Variants in C12orf42 observed in about 807,000 individuals in gnomAD.
C12orf42 encodes the protein chromosome 12 open reading frame 42.
In C12orf42, 25 loss-of-function variants were observed where a neutral mutation model predicts 21.6. That is an observed-to-expected ratio of 1.16 (90% CI 0.84 to 1.62). C12orf42 has a LOEUF of 1.62. Ranked by LOEUF, C12orf42 falls within the 40% of genes most tolerant of loss-of-function variation. C12orf42 has a pLI of 0.00. For synonymous variants in C12orf42, 174 were observed against 175.0 expected, an observed-to-expected ratio of 0.99 and a Z score of 0.05; for missense variants, 483 against 459.3, an observed-to-expected ratio of 1.05 and a Z score of -0.47.
the C12orf42 span, among the ~76,000 whole-genome samples, chr12:103,123,236 GGAAAAAT>G: frequency 6.6e-6 from 1 of 152,284 alleles, no homozygotes; most frequent in East Asian, 1.9e-4. Context: ...GGTTACCTAA[GGAAAAAT>G]TCAGCCAGTT....
At chr12:103,554,778 G>A in the C12orf42 span, among the ~76,000 whole-genome samples, 3 of 152,072 alleles carry the variant, frequency 2.0e-5, no homozygotes, top group African/African-American at 7.2e-5. Flanking sequence ...GAACTCTATC[G>A]CAAGACAGCA....
At chr12:103,080,519 T>TA in the C12orf42 span, among the ~76,000 whole-genome samples, 2 of 151,944 alleles carry the variant, frequency 1.3e-5, no homozygotes, top group Admixed American at 6.6e-5. Flanking sequence ...TGCAGACACC[T>TA]AAAAAAAAGC....
the C12orf42 span, among the ~76,000 whole-genome samples, chr12:103,080,037 T>A: frequency 6.6e-6 from 1 of 152,180 alleles, no homozygotes; most frequent in Non-Finnish European, 1.5e-5. Flanking sequence ...ACAGACATTA[T>A]ATATACACCA....
the C12orf42 span, among the ~76,000 whole-genome samples, chr12:103,214,501 G>A: frequency 0.019 from 2,907 of 152,216 alleles, 35 homozygotes; most frequent in East Asian, 0.028. Context: ...ATCCCCGCAC[G>A]GAGATCTGGT....
At chr12:103,149,014 T>C in the C12orf42 span, among the ~76,000 whole-genome samples, 1 of 152,198 alleles carries the variant, frequency 6.6e-6, no homozygotes, top group Non-Finnish European at 1.5e-5. Flanking sequence ...TTTATTCTTG[T>C]TGATCCTGAA....
At chr12:103,297,784 G>A (rs1196609419), downstream of C12orf42, among the ~76,000 whole-genome samples, 1 of 150,982 alleles carries the variant, frequency 6.6e-6, no homozygotes, top group Non-Finnish European at 1.5e-5. Context: ...TCCCTGGGAT[G>A]CAAGGCTGGT....
chr12:103,434,693 C>T (rs544326356), intron 2 of C12orf42, among the ~76,000 whole-genome samples: 8 of 152,244 alleles, frequency 5.3e-5, no homozygotes, highest in Admixed American at 2.6e-4. Flanking sequence ...CTTTTCGGAC[C>T]GGCTTAAAAA....
the C12orf42 span, among the ~76,000 whole-genome samples, chr12:103,067,033 C>T: frequency 6.6e-6 from 1 of 152,196 alleles, no homozygotes; most frequent in Admixed American, 6.5e-5. Flanking sequence ...TGGCTACGAC[C>T]ACTGCTGAGT....
At chr12:103,232,324 C>T in the C12orf42 span, among the ~76,000 whole-genome samples, 1 of 151,982 alleles carries the variant, frequency 6.6e-6, no homozygotes, top group African/African-American at 2.4e-5. Flanking sequence ...TCCAGCTCAC[C>T]GACTCTTTCT....
chr12:103,119,120 A>G, the C12orf42 span, among the ~76,000 whole-genome samples: 1 of 152,308 alleles, frequency 6.6e-6, no homozygotes, highest in Admixed American at 6.5e-5. Flanking sequence ...GGAGCAGTAT[A>G]GTTAAATGGT....
intron 4 of C12orf42, among the ~76,000 whole-genome samples, chr12:103,287,722 A>C (rs1235078515): frequency 6.6e-6 from 1 of 151,214 alleles, no homozygotes; most frequent in African/African-American, 2.4e-5. Flanking sequence ...AAAAAAAAAC[A>C]AAAAAAAGTG....
chr12:103,397,270 T>C lies in C12orf42; in HGVS notation c.147+4337A>G, dbSNP rs532318927. Among the ~76,000 whole-genome samples, 8 of 152,310 alleles carry C rather than the reference T, an allele frequency of 5.3e-5. No homozygotes were observed. In the South Asian group the frequency reaches 1.2e-3, roughly 24 times the overall value. ...TTATCTACTCTCCTGTTAATGAACA[T>C]GTGCTTTTTAATGTTCCATTACAAA... On this transcript the variant is annotated intron_variant, in intron 3 of 5. Coordinates refer to ENST00000548883, the MANE Select transcript of C12orf42 (RefSeq NM_198521.5).
At chr12:103,399,818 C>T (rs1478826652) in intron 3 of C12orf42, among the ~76,000 whole-genome samples, 1 of 152,036 alleles carries the variant, frequency 6.6e-6, no homozygotes, top group Non-Finnish European at 1.5e-5. Flanking sequence ...AATACATACA[C>T]ACAGACACAG....
intron 10 of C12orf42, among the ~76,000 whole-genome samples, chr12:103,243,728 T>C (rs2033870705): frequency 6.6e-6 from 1 of 152,192 alleles, no homozygotes. Context: ...TTTATAAAAA[T>C]GCTCAGATTT....
At chr12:103,099,198 T>C in the C12orf42 span, among the ~76,000 whole-genome samples, 1 of 152,226 alleles carries the variant, frequency 6.6e-6, no homozygotes, top group Admixed American at 6.5e-5. Flanking sequence ...TGCTCCAAAA[T>C]ATTAAATAGC....
chr12:103,555,615 T>C, the C12orf42 span, among the ~76,000 whole-genome samples: 122,362 of 152,078 alleles, frequency 0.8, 49,614 homozygotes, highest in Non-Finnish European at 0.84. Flanking sequence ...ACTAGCAGCA[T>C]GGGCATCTCC....
chr12:103,442,554 C>T (rs1221629899), intron 2 of C12orf42, among the ~76,000 whole-genome samples: 1 of 152,126 alleles, frequency 6.6e-6, no homozygotes, highest in Non-Finnish European at 1.5e-5. Flanking sequence ...TCTAAATCAG[C>T]ACTCCATTCT....
At chr12:103,168,155 A>G in the C12orf42 span, 2 of 451,076 alleles carry the variant, frequency 4.4e-6, no homozygotes, top group East Asian at 7.0e-5. Context: ...CCCAGGGCAT[A>G]TCATCTAAAG....
Position 103,277,627 on chromosome 12 carries a change from CT to C in C12orf42, n.338-418del, listed in dbSNP as rs548608007. Among the ~76,000 whole-genome samples the C allele has an allele frequency of 7.7e-4, 112 of 144,656 alleles. 1 individual carries two copies. The highest frequency in any genetic ancestry group is 2.9e-3 in the Admixed American group (42 of 14,490). 94.9% of individuals were successfully genotyped at this position (144,656 alleles called of 152,430 possible). On this transcript the variant is annotated intron_variant and non_coding_transcript_variant, in intron 4 of 6. Transcript: ENST00000546526. ...CAATTTTCTTTTTCTTTTTCTTTTT[CT>C]TTTTTTTTTTGAGATGGAGTCTCGC...
Sources: allele counts gnomAD v4.1 joint callset (sites outside exome capture counted in the v4.1 genomes callset), GRCh38; gene constraint gnomAD v4.1.1; transcripts MANE v1.5; gene names NCBI Gene and HGNC (gene_info 2026-07-23, HGNC 2026-07-21).